Variants in RIPOR3 observed in about 807,000 individuals in gnomAD.
The protein encoded by RIPOR3 is family with sequence similarity 65 member C.
Under a neutral mutation model 114.3 loss-of-function variants are expected in RIPOR3, and 95 were observed. The ratio of observed to expected loss-of-function variants is 0.83; its 90% CI spans 0.70 to 0.99. The LOEUF (loss-of-function observed/expected upper bound fraction) is 0.99, where lower values mean the gene tolerates loss of function less well. Among genes scored for constraint, RIPOR3 ranks in the 50% least tolerant of loss-of-function variants. RIPOR3 has a pLI of 0.00. For missense variants in RIPOR3, 1,252 were observed against 1,266.9 expected (o/e 0.99, Z 0.18); for synonymous variants, 575 against 543.8 (o/e 1.06, Z -0.80).
At chr20:50,599,139 C>G (rs762910495) in intron 13 of RIPOR3, among the ~76,000 whole-genome samples, 5 of 152,092 alleles carry the variant, frequency 3.3e-5, no homozygotes, top group Non-Finnish European at 7.4e-5. Context: ...CACCTGTAAT[C>G]CCAGCACTCT....
intron 1 of RIPOR3, among the ~76,000 whole-genome samples, chr20:50,642,650 G>C (rs2085247686): frequency 6.7e-6 from 1 of 150,354 alleles, no homozygotes; most frequent in Non-Finnish European, 1.5e-5. Flanking sequence ...GAAATACCGT[G>C]AATTTGTCCC....
At chr20:50,597,803 T>C (rs913821355) in intron 13 of RIPOR3, 93 bp from the exon 14 acceptor site, 2 of 1,500,480 alleles carry the variant, frequency 1.3e-6, no homozygotes, top group Non-Finnish European at 1.8e-6. Context: ...ACTTGGGCAA[T>C]GTCCCGGTCC....
intron 2 of RIPOR3, among the ~76,000 whole-genome samples, chr20:50,623,574 AGAG>A (rs1050157884): frequency 6.6e-6 from 1 of 152,166 alleles, no homozygotes. Flanking sequence ...AGGATGTGTG[AGAG>A]GAGGAGAAGG....
At chr20:50,621,042 G>T (rs561709440) in intron 2 of RIPOR3, 2 of 481,030 alleles carry the variant, frequency 4.2e-6, no homozygotes, top group Non-Finnish European at 8.1e-6. Context: ...CAATGTCCTG[G>T]CCGCCATGAG....
intron 21 of RIPOR3, 142 bp downstream of exon 21, chr20:50,587,660 G>T: frequency 1.3e-6 from 1 of 754,826 alleles, no homozygotes; most frequent in Non-Finnish European, 2.2e-6. Context: ...GTGGAGGTCG[G>T]CTCTGTGCCA....
At chr20:50,682,729 A>C (rs560019746) in intron 1 of RIPOR3, among the ~76,000 whole-genome samples, 133 of 80,956 alleles carry the variant, frequency 1.6e-3, no homozygotes, top group Admixed American at 4.6e-3. Context: ...TAAGTGATAA[A>C]ACTTTTTTTT....
rs1241161877 is a variant in RIPOR3, at chr20:50,587,094, C to T, written c.*138G>A. 1.0e-5 allele frequency: 7 copies of T among 673,522 alleles called. No homozygotes were observed. The highest frequency in any genetic ancestry group is 2.7e-5 in the East Asian group (1 of 36,750). 41.7% of individuals were successfully genotyped at this position (673,522 alleles called of 1,614,324 possible). ...CATGCCCTGGGGCTGGGTCAATGGC[C>T]GGAGTCTCAGGTAGAGCTCTGGGCA... On this transcript the variant is annotated 3_prime_UTR_variant, in exon 22 of 22. Coordinates refer to ENST00000327979, the MANE Select transcript of RIPOR3 (RefSeq NM_001290268.2).
chr20:50,653,229 C>T (rs1441018748), intron 1 of RIPOR3: 1 of 152,132 alleles, frequency 6.6e-6, no homozygotes, highest in Non-Finnish European at 1.5e-5. Context: ...GAAGGTATGG[C>T]TCCACGGACA....
chr20:50,597,638 G>C lies in RIPOR3; in HGVS notation c.1732C>G (p.Leu578Val). ...TCATCCAGGGCGAAGTCGGCATTGAGGAAGGCGAAGCTCTCCAGGATGCAC... is the reference window on the plus strand; with the variant it reads ...TCATCCAGGGCGAAGTCGGCATTGACGAAGGCGAAGCTCTCCAGGATGCAC... Reference protein sequence around the residue: ...MECILESFAFLNADFALDELS... With the variant: ...MECILESFAFVNADFALDELS... Residue 578 changes from leucine (L) to valine (V), a missense_variant, in exon 14 of 22, where the codon CTC becomes GTC. Transcript: ENST00000327979. The C allele has an allele frequency of 6.2e-7, 1 of 1,612,294 alleles. No homozygotes were observed. Among genetic ancestry groups the C allele is most frequent in the Non-Finnish European group, 8.5e-7 (1 of 1,179,198 alleles).
chr20:50,596,054 T>C, intron 15 of RIPOR3, 86 bp downstream of exon 15: 2 of 1,575,914 alleles, frequency 1.3e-6, no homozygotes, highest in Non-Finnish European at 1.7e-6. Context: ...CCCTTCATGC[T>C]TCCCACCACC....
chr20:50,681,603 T>A (rs2086865378), intron 1 of RIPOR3, among the ~76,000 whole-genome samples: 1 of 152,190 alleles, frequency 6.6e-6, no homozygotes, highest in Non-Finnish European at 1.5e-5. Flanking sequence ...TAAGGGCACC[T>A]CCATTTGCAG....
At chr20:50,652,323 G>A (rs2085639522) in intron 1 of RIPOR3, among the ~76,000 whole-genome samples, 1 of 152,194 alleles carries the variant, frequency 6.6e-6, no homozygotes, top group African/African-American at 2.4e-5. Context: ...GGGCATGGTG[G>A]TTCATGCCTA....
intron 1 of RIPOR3, among the ~76,000 whole-genome samples, chr20:50,633,279 A>C (rs2084877941): frequency 6.6e-6 from 1 of 151,846 alleles, no homozygotes; most frequent in Non-Finnish European, 1.5e-5. Context: ...CAAAAAACAA[A>C]AAACAAAAAA....
intron 2 of RIPOR3, chr20:50,621,012 G>A: frequency 2.0e-6 from 1 of 489,014 alleles, no homozygotes; most frequent in South Asian, 1.8e-5. Flanking sequence ...CACGCCAAGA[G>A]GAAGCAGGAG....
At chr20:50,611,706 G>A (rs908006583) in intron 4 of RIPOR3, among the ~76,000 whole-genome samples, 1 of 152,136 alleles carries the variant, frequency 6.6e-6, no homozygotes, top group East Asian at 1.9e-4. Context: ...CAGGGGCCAG[G>A]GTGCGACCAA....
chr20:50,620,737 C>T, intron 2 of RIPOR3: 1 of 467,450 alleles, frequency 2.1e-6, no homozygotes, highest in South Asian at 3.6e-5. Context: ...TCCACCATGG[C>T]TGCCACTGGA....
rs1275809312 is a variant in RIPOR3, at chr20:50,592,543, G to A, written c.2378C>T (p.Thr793Ile). The change falls in exon 19 of 22, where the codon ACA becomes ATA. Residue 793 changes from threonine (T) to isoleucine (I), a missense_variant. Thr to Ile is a moderately conservative substitution (Grantham distance 89, BLOSUM62 -1). Coordinates refer to ENST00000327979, the MANE Select transcript of RIPOR3 (RefSeq NM_001290268.2). ...CGCACAGTGAAGCTCCTCGATGAGT[G>A]TCACTAGAAGACAGGAAAGAGGTGG... ...KHFTQLTKEV[T>I]LIEELHCAGQ... The A allele has an allele frequency of 1.3e-6, 2 of 1,539,652 alleles. No homozygotes were observed. Among genetic ancestry groups the A allele is most frequent in the Non-Finnish European group, 1.8e-6 (2 of 1,140,944 alleles).
At chr20:50,690,998 C>G (rs2087193407) in intron 1 of RIPOR3, 128 bp downstream of exon 1, 7 of 1,206,140 alleles carry the variant, frequency 5.8e-6, no homozygotes, top group Middle Eastern at 4.4e-4. Flanking sequence ...AGGTTCCCTC[C>G]TCCGGCCTTG....
chr20:50,589,206 A>G, intron 20 of RIPOR3, among the ~76,000 whole-genome samples: 1 of 151,830 alleles, frequency 6.6e-6, no homozygotes, highest in South Asian at 2.1e-4. Context: ...GCTCACACAC[A>G]CCCACAAACT....
Sources: gnomAD v4.1 joint callset for allele counts (sites outside exome capture counted in the v4.1 genomes callset) on GRCh38, gnomAD v4.1.1 for gene constraint, MANE v1.5 for transcripts, NCBI Gene and HGNC (gene_info 2026-07-23, HGNC 2026-07-21) for gene names.